HEMK2: variants seen among roughly 807,000 people sequenced by gnomAD.
HEMK2 encodes the protein methyltransferase HEMK2.
the HEMK2 span, among the ~76,000 whole-genome samples, chr21:28,842,864 T>C: frequency 1.6e-3 from 248 of 152,210 alleles, no homozygotes; most frequent in Non-Finnish European, 2.0e-3. Flanking sequence ...GAGGGTCCCT[T>C]TGCCTAACTT....
the HEMK2 span, among the ~76,000 whole-genome samples, chr21:28,827,635 C>A: frequency 6.6e-6 from 1 of 152,180 alleles, no homozygotes; most frequent in Non-Finnish European, 1.5e-5. Context: ...AATGATGGGG[C>A]AAGAAGTGAA....
At chr21:28,869,628 C>T in the HEMK2 span, among the ~76,000 whole-genome samples, 3 of 152,318 alleles carry the variant, frequency 2.0e-5, no homozygotes, top group Middle Eastern at 3.4e-3. Flanking sequence ...CATAATCTTC[C>T]TCTTTTTTCC....
chr21:28,726,010 G>A, the HEMK2 span, among the ~76,000 whole-genome samples: 6 of 148,202 alleles, frequency 4.0e-5, no homozygotes, highest in African/African-American at 1.5e-4. Context: ...CGATATAAAT[G>A]TACATGCTTA....
the HEMK2 span, among the ~76,000 whole-genome samples, chr21:28,677,975 A>G: frequency 6.6e-6 from 1 of 152,224 alleles, no homozygotes; most frequent in Non-Finnish European, 1.5e-5. Flanking sequence ...GGAAACTCTA[A>G]AAATCAGAGC....
the HEMK2 span, among the ~76,000 whole-genome samples, chr21:28,582,248 T>C: frequency 6.6e-6 from 1 of 152,210 alleles, no homozygotes; most frequent in Non-Finnish European, 1.5e-5. Flanking sequence ...AGTCTCGCTT[T>C]GTTCCAGGAC....
the HEMK2 span, among the ~76,000 whole-genome samples, chr21:28,847,481 G>A: frequency 7.9e-5 from 12 of 151,914 alleles, no homozygotes; most frequent in Non-Finnish European, 2.9e-5. Flanking sequence ...TTTGCTTTTT[G>A]CTTGTTAATT....
At chr21:28,680,130 T>C in the HEMK2 span, among the ~76,000 whole-genome samples, 840 of 152,148 alleles carry the variant, frequency 5.5e-3, 10 homozygotes, top group African/African-American at 0.019. Context: ...TTTGAAAAGA[T>C]TGACAAAATT....
chr21:28,875,248 A>C, the HEMK2 span: 1 of 152,154 alleles, frequency 6.6e-6, no homozygotes, highest in Non-Finnish European at 1.5e-5. Context: ...TGCATATCCA[A>C]CTTTGTGCGT....
chr21:28,855,066 G>T, the HEMK2 span, among the ~76,000 whole-genome samples: 12 of 152,110 alleles, frequency 7.9e-5, no homozygotes. Context: ...AAGGCATAAA[G>T]TGGCAAGATG....
At chr21:28,636,055 A>G in the HEMK2 span, among the ~76,000 whole-genome samples, 1 of 152,136 alleles carries the variant, frequency 6.6e-6, no homozygotes, top group East Asian at 1.9e-4. Flanking sequence ...ACCCTTATCC[A>G]CACTGTGCTT....
the HEMK2 span, among the ~76,000 whole-genome samples, chr21:28,767,646 C>A: frequency 6.6e-6 from 1 of 151,998 alleles, no homozygotes; most frequent in Non-Finnish European, 1.5e-5. Flanking sequence ...TACTGGAATC[C>A]GTTGTAACCA....
At chr21:28,597,228 C>T in the HEMK2 span, among the ~76,000 whole-genome samples, 1 of 152,146 alleles carries the variant, frequency 6.6e-6, no homozygotes, top group Non-Finnish European at 1.5e-5. Context: ...ATAAATAGCA[C>T]ATCAACAGGT....
chr21:28,812,308 A>G, the HEMK2 span, among the ~76,000 whole-genome samples: 1 of 152,154 alleles, frequency 6.6e-6, no homozygotes, highest in African/African-American at 2.4e-5. Context: ...TTATTTTGAG[A>G]TACATTCCAT....
chr21:28,862,055 A>G, the HEMK2 span, among the ~76,000 whole-genome samples: 1 of 152,216 alleles, frequency 6.6e-6, no homozygotes, highest in Admixed American at 6.5e-5. Flanking sequence ...GAAGGGAGTT[A>G]CAGTGTTGGT....
chr21:28,612,655 T>C, the HEMK2 span, among the ~76,000 whole-genome samples: 1 of 152,138 alleles, frequency 6.6e-6, no homozygotes, highest in Non-Finnish European at 1.5e-5. Context: ...CACTGTTTGC[T>C]GATGATGACT....
At chr21:28,673,421 AAAAAT>A in the HEMK2 span, among the ~76,000 whole-genome samples, 10 of 152,124 alleles carry the variant, frequency 6.6e-5, no homozygotes, top group African/African-American at 1.9e-4. Context: ...TTCTCACTCC[AAAAAT>A]AAACTTCAGA....
chr21:28,804,005 T>C, the HEMK2 span, among the ~76,000 whole-genome samples: 12 of 152,228 alleles, frequency 7.9e-5, no homozygotes, highest in African/African-American at 2.4e-4. Context: ...TCTTCCAAAA[T>C]GACTGTAGCA....
At chr21:28,656,158 C>T in the HEMK2 span, among the ~76,000 whole-genome samples, 35 of 151,992 alleles carry the variant, frequency 2.3e-4, no homozygotes, top group African/African-American at 6.0e-4. Flanking sequence ...AGATGATGGC[C>T]GAGGTATCTC....
chr21:28,779,603 AT>A, the HEMK2 span, among the ~76,000 whole-genome samples: 1 of 152,196 alleles, frequency 6.6e-6, no homozygotes, highest in African/African-American at 2.4e-5. Flanking sequence ...CTAAGAGTAC[AT>A]TTCAAACATC....
Sources: allele counts gnomAD v4.1 joint callset (sites outside exome capture counted in the v4.1 genomes callset), GRCh38; gene constraint gnomAD v4.1.1; transcripts MANE v1.5; gene names NCBI Gene and HGNC (gene_info 2026-07-23, HGNC 2026-07-21).